The following GABRB1 variants were observed in gnomAD, a reference collection of about 807,000 sequenced individuals.
The protein encoded by GABRB1 is gamma-aminobutyric acid receptor subunit beta-1.
GABRB1 carries 17 observed loss-of-function variants against 51.6 expected under a neutral mutation model. The observed-to-expected ratio is 0.33, with a 90% CI of 0.23 to 0.49. The LOEUF is 0.49. Among genes scored for constraint, GABRB1 ranks in the 20% least tolerant of loss-of-function variants. The pLI, the probability that GABRB1 is intolerant of heterozygous loss-of-function variation, is 0.99. For synonymous variants in GABRB1, 247 were observed against 218.9 expected, an observed-to-expected ratio of 1.13 and a Z score of -1.14; for missense variants, 410 against 600.6, an observed-to-expected ratio of 0.68 and a Z score of 3.32.
intron 3 of GABRB1, among the ~76,000 whole-genome samples, chr4:47,119,293 T>TA (rs1715644236): frequency 6.6e-6 from 1 of 151,966 alleles, no homozygotes; most frequent in African/African-American, 2.4e-5. Flanking sequence ...CAGATATACA[T>TA]AAAACCCAAA....
intron 5 of GABRB1, among the ~76,000 whole-genome samples, chr4:47,397,073 A>G (rs1728201318): frequency 6.6e-6 from 1 of 152,054 alleles, no homozygotes; most frequent in Admixed American, 6.5e-5. Context: ...TATGAACTGC[A>G]ATTATTTTTT....
intron 3 of GABRB1, among the ~76,000 whole-genome samples, chr4:47,068,512 G>A (rs1727179882): frequency 6.6e-6 from 1 of 152,144 alleles, no homozygotes; most frequent in Non-Finnish European, 1.5e-5. Context: ...ATACTTAGAA[G>A]TCATTGTAGG....
At chr4:47,372,323 G>C (rs1727223791) in intron 5 of GABRB1, among the ~76,000 whole-genome samples, 1 of 152,178 alleles carries the variant, frequency 6.6e-6, no homozygotes, top group Non-Finnish European at 1.5e-5. Context: ...GTACCACACT[G>C]TTTTGATTAT....
chr4:47,255,598 T>C (rs1303609312), intron 4 of GABRB1, among the ~76,000 whole-genome samples: 4 of 152,304 alleles, frequency 2.6e-5, no homozygotes, highest in Middle Eastern at 3.4e-3. Context: ...ATAAGTAGAA[T>C]TGACATGCCA....
At chr4:47,062,732 CT>C (rs1446630203) in intron 3 of GABRB1, among the ~76,000 whole-genome samples, 1 of 152,088 alleles carries the variant, frequency 6.6e-6, no homozygotes, top group Non-Finnish European at 1.5e-5. Context: ...ACAAGGCGTC[CT>C]TAAGCATGTC....
chr4:47,299,544 C>T (rs1325755685), intron 4 of GABRB1, among the ~76,000 whole-genome samples: 1 of 152,140 alleles, frequency 6.6e-6, no homozygotes, highest in Non-Finnish European at 1.5e-5. Flanking sequence ...AATGAGATAC[C>T]ATCTCACACC....
chr4:47,181,844 T>C (rs1718962574), intron 4 of GABRB1, among the ~76,000 whole-genome samples: 1 of 152,062 alleles, frequency 6.6e-6, no homozygotes, highest in Non-Finnish European at 1.5e-5. Context: ...GCAAGCATCA[T>C]GGGTTGTAAT....
intron 3 of GABRB1, among the ~76,000 whole-genome samples, chr4:47,079,584 A>T (rs1447424064): frequency 6.6e-6 from 1 of 152,102 alleles, no homozygotes; most frequent in East Asian, 1.9e-4. Context: ...AATAGCAAAG[A>T]CTTGGAATCA....
rs1724842165 is a variant in GABRB1 at position 47,019,393 on chromosome 4, T to C, written c.-19-12521T>C. On this transcript the variant is annotated intron_variant, in intron 1 of 3. Transcript: ENST00000513567. ...CTTCCTTTTCTACCTACGCTCACAA[T>C]ATTATTGAAATTATGCAGTGTGTTT... Among the ~76,000 whole-genome samples the C allele has an allele frequency of 4.6e-5, 7 of 151,974 alleles. No homozygotes were observed. The South Asian group carries it at 1.5e-3, about 32-fold the overall frequency.
chr4:47,358,639 T>C (rs963351662), intron 5 of GABRB1, among the ~76,000 whole-genome samples: 1 of 152,060 alleles, frequency 6.6e-6, no homozygotes, highest in Non-Finnish European at 1.5e-5. Context: ...TTGATTAGGA[T>C]CCACACTAAG....
At chr4:47,111,430 T>G (rs1465515617) in intron 3 of GABRB1, among the ~76,000 whole-genome samples, 1 of 147,590 alleles carries the variant, frequency 6.8e-6, no homozygotes, top group Non-Finnish European at 1.5e-5. Context: ...ATATATGAAT[T>G]TATATTATAT....
At chr4:47,340,596 C>A (rs369911676) in intron 5 of GABRB1, among the ~76,000 whole-genome samples, 1 of 152,118 alleles carries the variant, frequency 6.6e-6, no homozygotes. Flanking sequence ...TTAGCTGGAT[C>A]TCTGGGGTCT....
chr4:47,335,150 G>T (rs1385685432), intron 5 of GABRB1, among the ~76,000 whole-genome samples: 2 of 151,872 alleles, frequency 1.3e-5, no homozygotes, highest in Non-Finnish European at 1.5e-5. Context: ...TGAGCTTCAG[G>T]GTCTCAGCCA....
intron 3 of GABRB1, among the ~76,000 whole-genome samples, chr4:47,097,431 C>T (rs1452513980): frequency 1.3e-5 from 2 of 152,136 alleles, no homozygotes; most frequent in South Asian, 2.1e-4. Context: ...GTGAATCTTC[C>T]GTGACTGCAA....
chr4:47,155,128 A>G (rs1717634970), intron 3 of GABRB1, among the ~76,000 whole-genome samples: 1 of 152,082 alleles, frequency 6.6e-6, no homozygotes, highest in South Asian at 2.1e-4. Context: ...GAGCGGCCTC[A>G]TGTGAGATAG....
chr4:47,019,549 T>TTCTCTCTCTCTC lies in GABRB1; in HGVS notation c.-19-12348_-19-12337dup, dbSNP rs142639522. 9.2e-4 allele frequency among the ~76,000 whole-genome samples: 119 copies of TTCTCTCTCTCTC among 128,892 alleles called. 3 individuals carry two copies. Among genetic ancestry groups the TTCTCTCTCTCTC allele is most frequent in the African/African-American group, 2.2e-3 (73 of 33,114 alleles). The allele number at this position is 128,892 out of a possible 152,430, so 84.6% of individuals were successfully genotyped here. Reference sequence around the variant, plus strand: ...AGATAAAGGTGTCAGCAGGTTTAGTTTCTCTCTCTCTCTCTCTCTCTCTCT... The same window carrying TTCTCTCTCTCTC: ...AGATAAAGGTGTCAGCAGGTTTAGTTTCTCTCTCTCTCTCTCTCTCTCTCTCTCTCTCTCTCT... On this transcript the variant is annotated intron_variant, in intron 1 of 3. Coordinates refer to the GABRB1 transcript ENST00000513567.
chr4:47,191,034 T>C (rs180864496), intron 4 of GABRB1, among the ~76,000 whole-genome samples: 67 of 152,254 alleles, frequency 4.4e-4, no homozygotes, highest in African/African-American at 1.5e-3. Context: ...GTCATTAAGC[T>C]CCCAGCAAAG....
At chr4:47,385,068 T>C (rs1235969312) in intron 5 of GABRB1, among the ~76,000 whole-genome samples, 1 of 152,224 alleles carries the variant, frequency 6.6e-6, no homozygotes, top group East Asian at 1.9e-4. Context: ...AGACTTTGCC[T>C]ACAACCAAAC....
chr4:47,356,652 G>A (rs1396969352), intron 5 of GABRB1, among the ~76,000 whole-genome samples: 1 of 152,066 alleles, frequency 6.6e-6, no homozygotes, highest in Non-Finnish European at 1.5e-5. Flanking sequence ...GAGAAAAGTG[G>A]GTCATAAACC....
Sources: allele counts gnomAD v4.1 joint callset (sites outside exome capture counted in the v4.1 genomes callset), GRCh38; gene constraint gnomAD v4.1.1; transcripts MANE v1.5; gene names NCBI Gene and HGNC (gene_info 2026-07-23, HGNC 2026-07-21).